Variants in GRM8 observed in about 807,000 individuals in gnomAD.
GRM8 encodes metabotropic glutamate receptor 8.
A neutral mutation model predicts 87.2 loss-of-function variants in GRM8; 47 were observed. That is an observed-to-expected ratio of 0.54 (90% CI 0.43 to 0.69). The LOEUF (loss-of-function observed/expected upper bound fraction) is 0.69. GRM8 is among the 30% of genes least tolerant of loss of function. The probability of loss-of-function intolerance (pLI) is 0.00; values close to 1 mark genes in which losing one functional copy is unlikely to be tolerated. For synonymous variants in GRM8, 396 were observed against 404.5 expected (o/e 0.98, Z 0.25); for missense variants, 1,019 against 1,139.2 (o/e 0.89, Z 1.52).
At chr7:127,109,382 G>T (rs922175237) in intron 2 of GRM8, among the ~76,000 whole-genome samples, 1 of 152,076 alleles carries the variant, frequency 6.6e-6, no homozygotes, top group African/African-American at 2.4e-5. Context: ...CCAATGTAAA[G>T]GATAAAATAC....
At chr7:126,963,359 T>C (rs1430735353) in intron 3 of GRM8, among the ~76,000 whole-genome samples, 4 of 152,164 alleles carry the variant, frequency 2.6e-5, no homozygotes, top group Admixed American at 2.6e-4. Flanking sequence ...TAACTATCAA[T>C]TGAATCTGAA....
At chr7:126,873,589 T>C (rs889076227) in intron 6 of GRM8, among the ~76,000 whole-genome samples, 1 of 152,086 alleles carries the variant, frequency 6.6e-6, no homozygotes, top group Non-Finnish European at 1.5e-5. Context: ...CCCTATCCTA[T>C]ACAACCTCTC....
At chr7:126,462,053 C>G (rs182474244) in intron 9 of GRM8, among the ~76,000 whole-genome samples, 54 of 151,666 alleles carry the variant, frequency 3.6e-4, no homozygotes, top group Non-Finnish European at 6.1e-4. Context: ...GCCAGGCAGC[C>G]TTTCAAGGTA....
At chr7:126,903,358 G>A (rs1392833792) in intron 5 of GRM8, among the ~76,000 whole-genome samples, 1 of 151,816 alleles carries the variant, frequency 6.6e-6, no homozygotes, top group Non-Finnish European at 1.5e-5. Flanking sequence ...CTTTCCTGTT[G>A]CATTTATTTA....
intron 5 of GRM8, 92 bp downstream of exon 5, chr7:126,903,880 T>C: frequency 2.9e-6 from 2 of 698,664 alleles, no homozygotes; most frequent in African/African-American, 1.8e-5. Flanking sequence ...TCATCAGTAA[T>C]GAGTGCATTT....
At chr7:127,011,168 G>C (rs908711169) in intron 3 of GRM8, among the ~76,000 whole-genome samples, 1 of 151,900 alleles carries the variant, frequency 6.6e-6, no homozygotes, top group African/African-American at 2.4e-5. Flanking sequence ...CAAATTCATG[G>C]AATACAAAAT....
rs114346370 is a variant in GRM8, at chr7:126,678,080, A to G, written c.1358-68582T>C. Among the ~76,000 whole-genome samples the G allele has an allele frequency of 1.4e-3, 208 of 152,252 alleles. 1 individual carries two copies. The highest frequency in any genetic ancestry group is 4.8e-3 in the African/African-American group (199 of 41,552). ...TGCAGATCAATTAAGCTTTAAATCAATGTTTTGTTCAATTTTCTCTATGTG... is the reference window on the plus strand; with the variant it reads ...TGCAGATCAATTAAGCTTTAAATCAGTGTTTTGTTCAATTTTCTCTATGTG... On this transcript the variant is annotated intron_variant, in intron 7 of 10. Coordinates refer to ENST00000339582, the MANE Select transcript of GRM8 (RefSeq NM_000845.3).
intron 2 of GRM8, among the ~76,000 whole-genome samples, chr7:127,193,529 A>G (rs1795127202): frequency 6.6e-6 from 1 of 152,212 alleles, no homozygotes; most frequent in African/African-American, 2.4e-5. Flanking sequence ...AGGTCGGTTA[A>G]TTCTCATATC....
At chr7:126,473,415 C>A (rs189484988) in intron 9 of GRM8, among the ~76,000 whole-genome samples, 1,966 of 151,794 alleles carry the variant, frequency 0.013, 41 homozygotes, top group African/African-American at 0.046. Flanking sequence ...GGGCCTCTAG[C>A]CCCTTCATTT....
In GRM8 at chr7:126,478,370, TAA is replaced by T. The variant is rs776115323; in HGVS notation, c.2431-32000_2431-31999del. On this transcript the variant is annotated intron_variant, in intron 9 of 10. Transcript: ENST00000339582. ...AAAACATAAATATGAGATTATTCTT[TAA>T]ATATCCAAAGCTGGATCAGAGACAT... Among the ~76,000 whole-genome samples the T allele has an allele frequency of 2.3e-4, 35 of 152,238 alleles. 1 individual carries two copies. The Middle Eastern group carries it at 0.01, about 44-fold the overall frequency.
chr7:127,160,628 C>A lies in GRM8; in HGVS notation c.511-53916G>T, dbSNP rs148142472. ...AATAATGGATCTGGAAAGAGGCGAA[C>A]TTAGTAGGGTGGGCCTTTTTCCCTT... On this transcript the variant is annotated intron_variant, in intron 2 of 10. Transcript: ENST00000339582. Among the ~76,000 whole-genome samples, 179 of 152,140 alleles carry A rather than the reference C, an allele frequency of 1.2e-3. 1 individual carries two copies. Among genetic ancestry groups the A allele is most frequent in the African/African-American group, 4.3e-3 (178 of 41,522 alleles).
At chr7:127,110,001 C>T (rs17862293) in intron 2 of GRM8, among the ~76,000 whole-genome samples, 5,109 of 152,140 alleles carry the variant, frequency 0.034, 109 homozygotes, top group South Asian at 0.097. Flanking sequence ...CATGGGAGGG[C>T]GAGGGGCGAC....
chr7:126,540,034 G>A (rs1816353278), intron 8 of GRM8, among the ~76,000 whole-genome samples: 1 of 151,888 alleles, frequency 6.6e-6, no homozygotes, highest in Non-Finnish European at 1.5e-5. Context: ...GCAAAAATAT[G>A]TTCAAGTCAT....
At chr7:126,699,408 T>A (rs1396937783) in intron 7 of GRM8, among the ~76,000 whole-genome samples, 1 of 152,158 alleles carries the variant, frequency 6.6e-6, no homozygotes, top group Non-Finnish European at 1.5e-5. Flanking sequence ...GTAAGAAAAT[T>A]CTCTTGCTTT....
chr7:127,033,297 T>C (rs1817561357), intron 3 of GRM8, among the ~76,000 whole-genome samples: 1 of 152,058 alleles, frequency 6.6e-6, no homozygotes, highest in South Asian at 2.1e-4. Flanking sequence ...CTTTTAATTT[T>C]TTTTTAAGTT....
In GRM8 at chr7:126,866,882, G is replaced by A. The variant is rs368021853; in HGVS notation, c.1156+35660C>T. Among the ~76,000 whole-genome samples the A allele has an allele frequency of 6.6e-5, 10 of 152,000 alleles. No homozygotes were observed. In the South Asian group the frequency reaches 1.0e-3, roughly 16 times the overall value. On this transcript the variant is annotated intron_variant, in intron 6 of 10. Transcript: ENST00000339582. Reference sequence around the variant, plus strand: ...TGGGATTACAGGTGTGAGCTACCGCGCCCTGCCTTGACTCAATTTTTATAT... The same window carrying A: ...TGGGATTACAGGTGTGAGCTACCGCACCCTGCCTTGACTCAATTTTTATAT...
intron 7 of GRM8, among the ~76,000 whole-genome samples, chr7:126,745,769 C>T (rs13224779): frequency 0.39 from 59,019 of 151,356 alleles, 12,718 homozygotes; most frequent in Non-Finnish European, 0.48. Flanking sequence ...TTTCTTCTTG[C>T]ACACTGGATT....
chr7:127,181,716 A>C (rs927348144), intron 2 of GRM8, among the ~76,000 whole-genome samples: 1 of 151,956 alleles, frequency 6.6e-6, no homozygotes, highest in African/African-American at 2.4e-5. Context: ...ACTGATCTTC[A>C]ACAAAGTAAA....
intron 3 of GRM8, among the ~76,000 whole-genome samples, chr7:127,022,275 T>C (rs116427666): frequency 2.6e-3 from 396 of 152,166 alleles, no homozygotes; most frequent in African/African-American, 7.7e-3. Flanking sequence ...TTAAGTATAG[T>C]TCCAATGTGG....
Sources: gnomAD v4.1 joint callset for allele counts (sites outside exome capture counted in the v4.1 genomes callset) on GRCh38, gnomAD v4.1.1 for gene constraint, MANE v1.5 for transcripts, NCBI Gene and HGNC (gene_info 2026-07-23, HGNC 2026-07-21) for gene names.